The following AP2A2 variants were observed in gnomAD, a reference collection of about 807,000 sequenced individuals.
AP2A2 encodes adaptor related protein complex 2 subunit alpha 2.
A neutral mutation model predicts 104.2 loss-of-function variants in AP2A2; 32 were observed. That is an observed-to-expected ratio of 0.31 (90% CI 0.23 to 0.41). The LOEUF (loss-of-function observed/expected upper bound fraction) is 0.41, where lower values mean the gene tolerates loss of function less well. Ranked by LOEUF, AP2A2 falls within the 10% of genes least tolerant of loss-of-function variation. The probability of loss-of-function intolerance (pLI) is 1.00; values close to 1 mark genes in which losing one functional copy is unlikely to be tolerated. For synonymous variants in AP2A2, 539 were observed against 533.3 expected, an observed-to-expected ratio of 1.01 and a Z score of -0.15; for missense variants, 912 against 1,261.0, an observed-to-expected ratio of 0.72 and a Z score of 4.19.
chr11:952,464 T>A (rs746009571), intron 1 of AP2A2, among the ~76,000 whole-genome samples: 5 of 152,232 alleles, frequency 3.3e-5, no homozygotes, highest in Non-Finnish European at 5.9e-5. Flanking sequence ...CTTTGCTACT[T>A]CATGGAATGC....
chr11:975,715 C>T (rs10902260), intron 4 of AP2A2, among the ~76,000 whole-genome samples: 9,022 of 59,078 alleles, frequency 0.15, 466 homozygotes, highest in Middle Eastern at 0.28. Context: ...TGTGAGCCGA[C>T]GTCGGCGAGT....
At chr11:998,223 G>T (rs952191039) in intron 14 of AP2A2, among the ~76,000 whole-genome samples, 2 of 152,194 alleles carry the variant, frequency 1.3e-5, no homozygotes, top group Admixed American at 1.3e-4. Flanking sequence ...GAGCACATGA[G>T]ACCCGTGTCG....
chr11:970,409 A>G, intron 3 of AP2A2, 98 bp downstream of exon 3: 1 of 1,479,554 alleles, frequency 6.8e-7, no homozygotes, highest in South Asian at 1.3e-5. Flanking sequence ...TTCTCTGCCC[A>G]CAGCTGACGT....
At chr11:934,520 A>G (rs1036027465) in intron 1 of AP2A2, among the ~76,000 whole-genome samples, 5 of 151,998 alleles carry the variant, frequency 3.3e-5, no homozygotes, top group Admixed American at 3.3e-4. Flanking sequence ...TTTTGTGTTC[A>G]TCTCTGTGCT....
intron 14 of AP2A2, 40 bp from the exon 15 acceptor site, chr11:1,000,391 AG>A: frequency 1.9e-6 from 3 of 1,539,796 alleles, no homozygotes; most frequent in Non-Finnish European, 8.7e-7. Context: ...TGGCCAGGCC[AG>A]GGAGGCTCTC....
In AP2A2 at chr11:936,428, G is replaced by A. The variant is rs538386394; in HGVS notation, c.67+10340G>A. Among the ~76,000 whole-genome samples the A allele has an allele frequency of 1.3e-3, 202 of 150,928 alleles. 1 individual carries two copies. The highest frequency in any genetic ancestry group is 4.1e-3 in the African/African-American group (168 of 41,076). ...GTTATTTATTGACAGGGTCTCATTC[G>A]CATTGCCCAGGCTGGAGTGCAATGT... On this transcript the variant is annotated intron_variant, in intron 1 of 21. Transcript: ENST00000448903.
chr11:975,213 G>A (rs1207085176), intron 4 of AP2A2, among the ~76,000 whole-genome samples: 3 of 152,248 alleles, frequency 2.0e-5, no homozygotes, highest in African/African-American at 4.8e-5. Flanking sequence ...CAGAGTAGCC[G>A]TGGGGTCCTC....
chr11:967,506 C>T (rs1237979363), intron 2 of AP2A2, among the ~76,000 whole-genome samples: 3 of 151,932 alleles, frequency 2.0e-5, no homozygotes, highest in African/African-American at 4.8e-5. Flanking sequence ...GGACTACAGG[C>T]GCCCGCCACC....
Position 1,000,667 on chromosome 11 carries a change from G to A in AP2A2, c.2123+69G>A, listed in dbSNP as rs1038989176. Reference sequence around the variant, plus strand: ...GTGCCCCCTGACTTCTGGTGTGGCCGCGGCCAGCTGGACAGAGGTGGGCAG... The same window carrying A: ...GTGCCCCCTGACTTCTGGTGTGGCCACGGCCAGCTGGACAGAGGTGGGCAG... On this transcript the variant is annotated intron_variant, in intron 15 of 21. Transcript: ENST00000448903. The A allele has an allele frequency of 4.1e-6, 6 of 1,463,244 alleles. No individual in the cohort carries two copies. The East Asian group carries it at 7.4e-5, about 18-fold the overall frequency. The allele number at this position is 1,463,244 out of a possible 1,614,324, so 90.6% of individuals were successfully genotyped here.
chr11:968,033 C>T lies in AP2A2; in HGVS notation c.137-2136C>T, dbSNP rs893823677. Among the ~76,000 whole-genome samples the T allele has an allele frequency of 1.3e-5, 2 of 152,178 alleles. No individual in the cohort carries two copies. The highest frequency in any genetic ancestry group is 2.9e-5 in the Non-Finnish European group (2 of 68,022). Reference sequence around the variant, plus strand: ...CAGTGGCACCTGCCAGGGGAGCTGGCGGGCTCACCTGCCACCTGCCCCACC... The same window carrying T: ...CAGTGGCACCTGCCAGGGGAGCTGGTGGGCTCACCTGCCACCTGCCCCACC... On this transcript the variant is annotated intron_variant, in intron 2 of 21. Transcript: ENST00000448903. The surrounding 1 kb of genome is among the most constrained non-coding windows in gnomAD (Gnocchi z 4.2).
At chr11:996,923 G>A (rs1376380479) in intron 14 of AP2A2, among the ~76,000 whole-genome samples, 1 of 152,118 alleles carries the variant, frequency 6.6e-6, no homozygotes, top group Non-Finnish European at 1.5e-5. Context: ...GAGCTGTGGT[G>A]TGTGGGCCCC....
intron 21 of AP2A2, 99 bp from the exon 22 acceptor site, chr11:1,010,449 C>T: frequency 1.0e-6 from 1 of 954,444 alleles, no homozygotes; most frequent in South Asian, 1.5e-5. Flanking sequence ...AGAGAGTGGT[C>T]CCTGGGCATG....
intron 4 of AP2A2, 129 bp downstream of exon 4, chr11:972,384 C>G (rs1854864762): frequency 9.1e-7 from 1 of 1,104,722 alleles, no homozygotes; most frequent in Admixed American, 2.9e-5. Context: ...GAGATGTAGC[C>G]TAAGGTGGGA....
At chr11:930,461 G>T (rs1853253222) in intron 1 of AP2A2, among the ~76,000 whole-genome samples, 1 of 151,450 alleles carries the variant, frequency 6.6e-6, no homozygotes, top group South Asian at 2.1e-4. Flanking sequence ...TTAATAAACT[G>T]TTTCTTTTTT....
chr11:954,285 A>G (rs150180966), intron 1 of AP2A2, among the ~76,000 whole-genome samples: 1 of 152,200 alleles, frequency 6.6e-6, no homozygotes, highest in Non-Finnish European at 1.5e-5. Context: ...GCTGGCCCCA[A>G]AGTTCACTCT....
At chr11:961,112 G>T (rs1447528051) in intron 2 of AP2A2, among the ~76,000 whole-genome samples, 1 of 152,244 alleles carries the variant, frequency 6.6e-6, no homozygotes, top group Non-Finnish European at 1.5e-5. Context: ...ATGTGGGTCT[G>T]ACAGTCACCA....
At position 984,638 on chromosome 11, in the gene AP2A2, C is replaced by T. The variant is rs141102394; in HGVS notation, c.706-7C>T. 14 of 1,605,808 alleles carry T rather than the reference C, an allele frequency of 8.7e-6. No homozygotes were observed. In the East Asian group the frequency reaches 2.7e-4, roughly 31 times the overall value. On this transcript the variant is annotated splice_region_variant and splice_polypyrimidine_tract_variant and intron_variant, in intron 6 of 21. Transcript: ENST00000448903. The stretch of plus-strand genomic sequence containing the variant: ...CAGCGTGTCTCATTGCCTGTGCTGT[C>T]TTACAGATCGTGACGTCTGCATCCA...
intron 15 of AP2A2, among the ~76,000 whole-genome samples, chr11:1,001,904 C>A (rs1448642626): frequency 1.3e-5 from 2 of 152,192 alleles, no homozygotes; most frequent in African/African-American, 4.8e-5. Context: ...GCCGTCTTGG[C>A]TTTGATCTGG....
rs1564793864 is a variant in AP2A2 at position 959,423 on chromosome 11, GTTC to G, written c.68-11_68-9del. ...TCAATTAAAATAAAAATGGCTTTTTGTTCTTTTTTTTAGGTAAAAGTAAAGAAG... is the reference window on the plus strand; with the variant it reads ...TCAATTAAAATAAAAATGGCTTTTTGTTTTTTTTAGGTAAAAGTAAAGAAG... On this transcript the variant is annotated splice_polypyrimidine_tract_variant and intron_variant, in intron 1 of 21. Transcript: ENST00000448903. 2 of 1,496,292 alleles carry G rather than the reference GTTC, an allele frequency of 1.3e-6. No individual in the cohort carries two copies. Among genetic ancestry groups the G allele is most frequent in the Admixed American group, 3.6e-5 (2 of 55,066 alleles). 92.7% of individuals were successfully genotyped at this position (1,496,292 alleles called of 1,614,324 possible).
Sources: gnomAD v4.1 joint callset for allele counts (sites outside exome capture counted in the v4.1 genomes callset) on GRCh38, gnomAD v4.1.1 for gene constraint, Gnocchi (gnomAD v3.1) non-coding constraint, MANE v1.5 for transcripts, NCBI Gene and HGNC (gene_info 2026-07-23, HGNC 2026-07-21) for gene names.